PHF21B: variants seen among roughly 807,000 people sequenced by gnomAD.
The protein encoded by PHF21B is PHD finger protein 21B.
In PHF21B, 22 loss-of-function variants were observed where a neutral mutation model predicts 62.2. That is an observed-to-expected ratio of 0.35 (90% CI 0.25 to 0.51). The LOEUF is 0.51. Ranked by LOEUF, PHF21B falls within the 20% of genes least tolerant of loss-of-function variation. The probability of loss-of-function intolerance (pLI) is 0.97; values close to 1 mark genes in which losing one functional copy is unlikely to be tolerated. For synonymous variants in PHF21B, 341 were observed against 314.7 expected (o/e 1.08, Z -0.88); for missense variants, 701 against 707.9 (o/e 0.99, Z 0.11).
chr22:44,926,939 C>T (rs940941298), intron 2 of PHF21B, among the ~76,000 whole-genome samples: 10 of 152,138 alleles, frequency 6.6e-5, no homozygotes, highest in East Asian at 1.9e-4. Context: ...TGCTTCCACA[C>T]GAGTTCTTCT....
Position 45,009,076 on chromosome 22 carries a change from G to C in PHF21B, c.54+420C>G, listed in dbSNP as rs1415815144. Reference sequence around the variant, plus strand: ...GGCTCCGGCCGCCACGCCGCCGCTCGCCAGCAGCGATCGCCAAAACTACTT... The same window carrying C: ...GGCTCCGGCCGCCACGCCGCCGCTCCCCAGCAGCGATCGCCAAAACTACTT... On this transcript the variant is annotated intron_variant, in intron 1 of 12. Transcript: ENST00000313237. The surrounding 1 kb of genome is among the most constrained non-coding windows in gnomAD (Gnocchi z 5.9). 4 of 1,101,712 alleles carry C rather than the reference G, an allele frequency of 3.6e-6. No individual in the cohort carries two copies. Among genetic ancestry groups the C allele is most frequent in the Admixed American group, 4.8e-5 (1 of 20,630 alleles). 68.2% of individuals were successfully genotyped at this position (1,101,712 alleles called of 1,614,324 possible). A position where few individuals can be genotyped will look rare whatever the true frequency, so the allele number is the denominator to read the frequency against.
At chr22:44,915,142 C>A (rs1422725869) in intron 4 of PHF21B, among the ~76,000 whole-genome samples, 1 of 152,146 alleles carries the variant, frequency 6.6e-6, no homozygotes, top group Non-Finnish European at 1.5e-5. Context: ...CTCTTTGTAT[C>A]ACATTTTTAA....
At chr22:44,895,441 G>A (rs952535541) in intron 6 of PHF21B, among the ~76,000 whole-genome samples, 1 of 152,162 alleles carries the variant, frequency 6.6e-6, no homozygotes, top group Non-Finnish European at 1.5e-5. Flanking sequence ...ATAAACTACT[G>A]TTCCAATTTT....
chr22:44,949,311 A>G (rs1473127110), intron 2 of PHF21B, among the ~76,000 whole-genome samples: 1 of 118,836 alleles, frequency 8.4e-6, no homozygotes, highest in Admixed American at 7.7e-5. Context: ...CAAAAAAAAG[A>G]AAAAAAAAAA....
At chr22:45,006,727 A>G (rs1293907407) in intron 2 of PHF21B, among the ~76,000 whole-genome samples, 1 of 151,930 alleles carries the variant, frequency 6.6e-6, no homozygotes, top group Non-Finnish European at 1.5e-5. Context: ...AGGTTATTGG[A>G]TTTTTTCTTC....
rs756211500 is a variant in PHF21B at position 44,913,939 on chromosome 22, C to T, written c.714G>A (p.Val238=). Residue 238 remains valine (V), a synonymous_variant, in exon 5 of 13, where the codon GTG becomes GTA. Coordinates refer to ENST00000313237, the MANE Select transcript of PHF21B (RefSeq NM_138415.5). Reference sequence around the variant, plus strand: ...CTGCCGTGCTCTCGGGCTGCGTCTGCACTTGAGGCTGAATGATGATGACCT... The same window carrying T: ...CTGCCGTGCTCTCGGGCTGCGTCTGTACTTGAGGCTGAATGATGATGACCT... ...IFQVIIIQPQ[V]QTQPESTAES... is the part of the protein sequence containing the mutation. The T allele has an allele frequency of 1.2e-6, 2 of 1,607,318 alleles. No individual in the cohort carries two copies. The highest frequency in any genetic ancestry group is 8.5e-7 in the Non-Finnish European group (1 of 1,176,574).
intron 10 of PHF21B, among the ~76,000 whole-genome samples, chr22:44,886,471 G>C (rs539663014): frequency 7.0e-6 from 1 of 143,422 alleles, no homozygotes; most frequent in African/African-American, 2.5e-5. Flanking sequence ...AGGACTGCTT[G>C]AACCCAGGAG....
Position 44,916,571 on chromosome 22 carries a change from T to A in PHF21B, c.273A>T (p.Pro91=). 1 of 1,607,290 alleles carries A rather than the reference T, an allele frequency of 6.2e-7. No individual in the cohort carries two copies. The highest frequency in any genetic ancestry group is 8.5e-7 in the Non-Finnish European group (1 of 1,179,878). ...SLPVAPGRDR[P]PKQPPTFQKA... is the part of the protein sequence containing the mutation. ...TCTGGAATGTTGGGGGCTGCTTGGGTGGCCGGTCCCGGCCCGGGGCAACGG... is the reference window on the plus strand; with the variant it reads ...TCTGGAATGTTGGGGGCTGCTTGGGAGGCCGGTCCCGGCCCGGGGCAACGG... Residue 91 remains proline, a synonymous_variant, in exon 4 of 13, where the codon CCA becomes CCT. Transcript: ENST00000313237.
Position 44,910,604 on chromosome 22 carries a change from C to G in PHF21B, c.831+3218G>C, listed in dbSNP as rs1194298106. On this transcript the variant is annotated intron_variant, in intron 5 of 12. Transcript: ENST00000313237. ...TTTCCCTGCACAAGCTCTCTCTTTG[C>G]TTGCTGCCATCCATGTAAGATGTAA... 3.3e-5 allele frequency among the ~76,000 whole-genome samples: 5 copies of G among 152,084 alleles called. 1 individual carries two copies. The highest frequency in any genetic ancestry group is 3.3e-4 in the Admixed American group (5 of 15,280).
chr22:44,955,385 C>T lies in PHF21B; in HGVS notation c.121-34895G>A, dbSNP rs115747442. Among the ~76,000 whole-genome samples, 778 of 152,330 alleles carry T rather than the reference C, an allele frequency of 5.1e-3. 6 individuals carry two copies. Among genetic ancestry groups the T allele is most frequent in the African/African-American group, 0.018 (739 of 41,576 alleles). ...CGGTCCTGTGACGGTTAATTTCACA[C>T]GGCAGCCTGACCTGGCTAAGGGGTG... On this transcript the variant is annotated intron_variant, in intron 2 of 12. Transcript: ENST00000313237.
intron 2 of PHF21B, among the ~76,000 whole-genome samples, chr22:44,936,148 G>A (rs1302090205): frequency 6.6e-6 from 1 of 152,262 alleles, no homozygotes; most frequent in East Asian, 1.9e-4. Flanking sequence ...GAACCCGGCT[G>A]CTGTCTTCAC....
chr22:44,962,290 T>A (rs1312677687), intron 2 of PHF21B, among the ~76,000 whole-genome samples: 1 of 152,230 alleles, frequency 6.6e-6, no homozygotes, highest in Non-Finnish European at 1.5e-5. Context: ...GATCTGTAGA[T>A]GTGCCTCAAC....
Position 44,882,970 on chromosome 22 carries a change from TG to T in PHF21B, c.*115del. The T allele has an allele frequency of 8.1e-7, 1 of 1,236,306 alleles. No homozygotes were observed. Among genetic ancestry groups the T allele is most frequent in the Non-Finnish European group, 1.1e-6 (1 of 896,170 alleles). 76.6% of individuals were successfully genotyped at this position (1,236,306 alleles called of 1,614,324 possible). ...CTCTTCCTCCCTCCTCTCCTCTGTC[TG>T]GTTAATTTTTGTCTGAAATTCATAG... On this transcript the variant is annotated 3_prime_UTR_variant, in exon 13 of 13. Transcript: ENST00000313237.
intron 5 of PHF21B, among the ~76,000 whole-genome samples, chr22:44,909,941 C>T (rs1037674976): frequency 5.3e-5 from 8 of 152,192 alleles, no homozygotes; most frequent in South Asian, 2.1e-4. Flanking sequence ...TTTTTGAACC[C>T]GTTAGAGTCC....
rs934303812 is a variant in PHF21B at position 44,927,449 on chromosome 22, G to A, written c.121-6959C>T. Among the ~76,000 whole-genome samples, 36 of 152,120 alleles carry A rather than the reference G, an allele frequency of 2.4e-4. 1 individual carries two copies. Among genetic ancestry groups the A allele is most frequent in the African/African-American group, 8.7e-4 (36 of 41,428 alleles). On this transcript the variant is annotated intron_variant, in intron 2 of 12. Transcript: ENST00000313237. ...ATGGACCTACAGCCCCAGCACCAAA[G>A]GAGAGACGATTCTGAGTCAAAGTCC...
chr22:44,975,924 T>C (rs1250475435), intron 2 of PHF21B, among the ~76,000 whole-genome samples: 1 of 152,240 alleles, frequency 6.6e-6, no homozygotes, highest in African/African-American at 2.4e-5. Context: ...TCCCAGCATT[T>C]TGGGAGGCCA....
intron 7 of PHF21B, among the ~76,000 whole-genome samples, chr22:44,892,596 G>A (rs116633368): frequency 2.0e-5 from 3 of 152,148 alleles, no homozygotes; most frequent in South Asian, 2.1e-4. Flanking sequence ...CACTGACCTC[G>A]GGGGACATCG....
chr22:44,961,804 C>T (rs1446523544), intron 2 of PHF21B, among the ~76,000 whole-genome samples: 1 of 151,614 alleles, frequency 6.6e-6, no homozygotes, highest in Non-Finnish European at 1.5e-5. Flanking sequence ...TTGCGCGCAC[C>T]ACTGCAATCC....
chr22:44,887,307 G>A lies in PHF21B; in HGVS notation c.1197+656C>T, dbSNP rs149370016. Among the ~76,000 whole-genome samples the A allele has an allele frequency of 6.7e-3, 1,018 of 152,160 alleles. 3 individuals carry two copies. The highest frequency in any genetic ancestry group is 0.011 in the Non-Finnish European group (746 of 68,014). On this transcript the variant is annotated intron_variant, in intron 10 of 12. Coordinates refer to ENST00000313237, the MANE Select transcript of PHF21B (RefSeq NM_138415.5). ...CACACTCCCAAGCGTTTTCTCCCAG[G>A]GTTTTTACTCTGCAGTTTTTCTCAG...
Sources: allele counts gnomAD v4.1 joint callset (sites outside exome capture counted in the v4.1 genomes callset), GRCh38; gene constraint gnomAD v4.1.1; non-coding constraint Gnocchi (gnomAD v3.1); transcripts MANE v1.5; gene names NCBI Gene and HGNC (gene_info 2026-07-23, HGNC 2026-07-21).